Variants in PGRMC2 observed in about 807,000 individuals in gnomAD.
The protein encoded by PGRMC2 is membrane-associated progesterone receptor component 2.
Under a neutral mutation model 19.3 loss-of-function variants are expected in PGRMC2, and 9 were observed. That is an observed-to-expected ratio of 0.47 (90% CI 0.28 to 0.81). PGRMC2 has a LOEUF of 0.81. Ranked by LOEUF, PGRMC2 falls within the 40% of genes least tolerant of loss-of-function variation. The probability of loss-of-function intolerance (pLI) is 0.11; values close to 1 mark genes in which losing one functional copy is unlikely to be tolerated. For missense variants in PGRMC2, 289 were observed against 297.3 expected (o/e 0.97, Z 0.21); for synonymous variants, 157 against 124.6 (o/e 1.26, Z -1.73).
intron 1 of PGRMC2, among the ~76,000 whole-genome samples, chr4:128,285,124 CTTAATTT>C (rs918876105): frequency 6.6e-6 from 1 of 150,840 alleles, no homozygotes; most frequent in Non-Finnish European, 1.5e-5. Context: ...ACCTATGACT[CTTAATTT>C]TTAATTTTTT....
intron 1 of PGRMC2, chr4:128,272,970 T>C (rs569844216): frequency 1.3e-5 from 2 of 152,332 alleles, no homozygotes; most frequent in Non-Finnish European, 2.9e-5. Context: ...AACTTGAATC[T>C]GTAACATTTT....
intron 1 of PGRMC2, among the ~76,000 whole-genome samples, chr4:128,283,061 C>G (rs113611940): frequency 6.6e-6 from 1 of 152,142 alleles, no homozygotes; most frequent in African/African-American, 2.4e-5. Context: ...AATAAACTAT[C>G]AAAAAGTCAA....
chr4:128,286,754 T>C (rs923063742), intron 1 of PGRMC2: 21 of 398,078 alleles, frequency 5.3e-5, no homozygotes, highest in Admixed American at 2.2e-4. Flanking sequence ...CTAAAACTGG[T>C]TTAAAGAGAG....
At chr4:128,286,894 G>C (rs1470325063) in intron 1 of PGRMC2, 1 of 357,078 alleles carries the variant, frequency 2.8e-6, no homozygotes, top group African/African-American at 2.3e-5. Context: ...AAAAAAAAAA[G>C]GGGGCAAGGA....
At position 128,287,654 on chromosome 4, in the gene PGRMC2, G is replaced by T; in HGVS notation, c.137C>A (p.Ala46Glu). Residue 46 changes from alanine (A) to glutamate (E), a missense_variant, in exon 1 of 3, where the codon GCG becomes GAG. Physicochemically the swap from Ala to Glu is moderately radical, Grantham distance 107. Transcript: ENST00000296425. ...CATTTCCCCGCCCCCCGTCAGAAGC[G>T]CCAACGCCGCCGCCGCCCAGCCTCC... ...EGGGWAAAAL[A>E]LLTGGGEMLL... 6.5e-7 allele frequency: 1 copy of T among 1,533,756 alleles called. No homozygotes were observed.
chr4:128,279,101 G>A (rs1032876083), intron 1 of PGRMC2, among the ~76,000 whole-genome samples: 3 of 151,776 alleles, frequency 2.0e-5, no homozygotes, highest in Non-Finnish European at 2.9e-5. Context: ...CCAGCTACTC[G>A]GGAGGCTGAG....
intron 1 of PGRMC2, among the ~76,000 whole-genome samples, chr4:128,277,451 CAG>C (rs1344785623): frequency 7.2e-5 from 11 of 152,014 alleles, no homozygotes; most frequent in Admixed American, 2.6e-4. Flanking sequence ...TATGTAGTAA[CAG>C]ATAATTTTGT....
rs759105247 is a variant in PGRMC2 at position 128,287,770 on chromosome 4, G to C, written c.21C>G (p.Asp7Glu). The change falls in exon 1 of 3, where the codon GAC (aspartate) becomes GAG (glutamate). Residue 7 changes from aspartate (D) to glutamate (E), a missense_variant. Coordinates refer to ENST00000296425, the MANE Select transcript of PGRMC2 (RefSeq NM_006320.6). ...CACTCCCCAGGGTGCCTAGCTTCAC[G>C]TCCCCATCACCAGCCGCCATCACTG... The part of the protein sequence containing the change: MAAGDG[D>E]VKLGTLGSGS... The C allele has an allele frequency of 1.8e-5, 26 of 1,474,108 alleles. No homozygotes were observed. The highest frequency in any genetic ancestry group is 2.1e-5 in the Non-Finnish European group (23 of 1,075,720). 91.3% of individuals were successfully genotyped at this position (1,474,108 alleles called of 1,614,324 possible).
intron 1 of PGRMC2, among the ~76,000 whole-genome samples, chr4:128,286,221 T>A (rs972037205): frequency 6.6e-6 from 1 of 151,904 alleles, no homozygotes; most frequent in Non-Finnish European, 1.5e-5. Context: ...TCACTTTAGG[T>A]CTCTAATTTA....
chr4:128,287,704 G>A lies in PGRMC2; in HGVS notation c.87C>T (p.Gly29=). ...SSNDGGSESP[G]DAGAAAEGGG... ...CCCCTTCCGCTGCCGCTCCCGCGTC[G>A]CCTGGACTCTCGCTGCCGCCGTCGT... is the stretch of plus-strand genomic sequence containing the variant. Residue 29 remains glycine (G), a synonymous_variant, in exon 1 of 3, where the codon GGC becomes GGT. Coordinates refer to ENST00000296425, the MANE Select transcript of PGRMC2 (RefSeq NM_006320.6). 1 of 1,513,602 alleles carries A rather than the reference G, an allele frequency of 6.6e-7. No individual in the cohort carries two copies. Among genetic ancestry groups the A allele is most frequent in the Non-Finnish European group, 8.9e-7 (1 of 1,124,602 alleles). The allele number at this position is 1,513,602 out of a possible 1,614,324, so 93.8% of individuals were successfully genotyped here. A position where few individuals can be genotyped will look rare whatever the true frequency, so the allele number is the denominator to read the frequency against.
Position 128,287,192 on chromosome 4 carries a change from T to C in PGRMC2, c.418+181A>G, listed in dbSNP as rs41298561. 658 of 569,162 alleles carry C rather than the reference T, an allele frequency of 1.2e-3. 2 individuals are homozygous for C. In the African/African-American group the frequency reaches 0.012, roughly 11 times the overall value. 35.3% of individuals were successfully genotyped at this position (569,162 alleles called of 1,614,324 possible). On this transcript the variant is annotated intron_variant, in intron 1 of 2. Coordinates refer to ENST00000296425, the MANE Select transcript of PGRMC2 (RefSeq NM_006320.6). ...GGGAAGAACTGGAGGTGCCCGTAGC[T>C]GCGGGGGGACGGTGTGTGTGTAGGG... is the stretch of plus-strand genomic sequence containing the variant.
intron 2 of PGRMC2, among the ~76,000 whole-genome samples, chr4:128,271,637 G>C (rs1230765811): frequency 6.6e-6 from 1 of 152,204 alleles, no homozygotes. Flanking sequence ...GGAATTCTTT[G>C]CAAGAGGGTG....
At chr4:128,280,349 C>A (rs1760888190) in intron 1 of PGRMC2, among the ~76,000 whole-genome samples, 1 of 37,638 alleles carries the variant, frequency 2.7e-5, no homozygotes, top group Non-Finnish European at 5.0e-5. Flanking sequence ...AGCAAATTTT[C>A]TGGGAAAAAA....
chr4:128,285,149 C>T (rs112608044), intron 1 of PGRMC2, among the ~76,000 whole-genome samples: 35 of 151,854 alleles, frequency 2.3e-4, no homozygotes, highest in Admixed American at 5.9e-4. Flanking sequence ...TTTTTTATAC[C>T]GAGTCTCTCT....
intron 1 of PGRMC2, among the ~76,000 whole-genome samples, chr4:128,273,723 C>T (rs1213112436): frequency 6.6e-6 from 1 of 152,156 alleles, no homozygotes; most frequent in Non-Finnish European, 1.5e-5. Flanking sequence ...GTCAAAAAGT[C>T]TCTGTACCTT....
rs1287612046 is a variant in PGRMC2 at position 128,271,141 on chromosome 4, C to T, written c.*175G>A. 4.6e-6 allele frequency: 2 copies of T among 437,120 alleles called. No individual in the cohort carries two copies. Among genetic ancestry groups the T allele is most frequent in the Non-Finnish European group, 8.2e-6 (2 of 244,018 alleles). The allele number at this position is 437,120 out of a possible 1,614,324, so 27.1% of individuals were successfully genotyped here. A position where few individuals can be genotyped will look rare whatever the true frequency, so the allele number is the denominator to read the frequency against. On this transcript the variant is annotated 3_prime_UTR_variant, in exon 3 of 3. Transcript: ENST00000296425. ...AAACAACTGCAACAAATGAGTTTGGCAGCATAAATAATGTCTAGTTATTCA... is the reference window on the plus strand; with the variant it reads ...AAACAACTGCAACAAATGAGTTTGGTAGCATAAATAATGTCTAGTTATTCA...
At chr4:128,273,175 G>T (rs139328270) in intron 1 of PGRMC2, 3 of 152,206 alleles carry the variant, frequency 2.0e-5, no homozygotes, top group African/African-American at 7.2e-5. Flanking sequence ...TATAAACTAG[G>T]AAAAGTCATT....
rs1321390636 is a variant in PGRMC2 at position 128,269,645 on chromosome 4, C to T, written c.*1671G>A. 4.6e-5 allele frequency: 7 copies of T among 152,138 alleles called. No individual in the cohort carries two copies. The highest frequency in any genetic ancestry group is 1.7e-4 in the African/African-American group (7 of 41,426). The allele number at this position is 152,138 out of a possible 1,614,324, so 9.4% of individuals were successfully genotyped here. ...ATGGCTTCTGCATGTATCTACAAAG[C>T]AGAAGTCTTAACTGGTGACCTGTTA... On this transcript the variant is annotated 3_prime_UTR_variant, in exon 3 of 3. Coordinates refer to ENST00000296425, the MANE Select transcript of PGRMC2 (RefSeq NM_006320.6).
At chr4:128,274,693 A>G (rs1760782382) in intron 1 of PGRMC2, among the ~76,000 whole-genome samples, 1 of 152,120 alleles carries the variant, frequency 6.6e-6, no homozygotes. Flanking sequence ...ACAATGATAA[A>G]AAAAATCTAT....
Sources: gnomAD v4.1 joint callset for allele counts (sites outside exome capture counted in the v4.1 genomes callset) on GRCh38, gnomAD v4.1.1 for gene constraint, MANE v1.5 for transcripts, NCBI Gene and HGNC (gene_info 2026-07-23, HGNC 2026-07-21) for gene names.